The following GTF2H5 variants were observed in gnomAD, a reference collection of about 807,000 sequenced individuals.
GTF2H5 encodes the protein TFB5 ortholog.
GTF2H5 carries 5 observed loss-of-function variants against 7.1 expected under a neutral mutation model. The observed-to-expected ratio is 0.71, with a 90% CI of 0.37 to 1.49. The LOEUF is 1.49. Among genes scored for constraint, GTF2H5 ranks in the 40% most tolerant of loss-of-function variants. GTF2H5 has a pLI of 0.03. For synonymous variants in GTF2H5, 30 were observed against 31.7 expected (o/e 0.95, Z 0.18); for missense variants, 80 against 83.0 (o/e 0.96, Z 0.14).
At chr6:158,172,313 C>G (rs377431409) in intron 2 of GTF2H5, among the ~76,000 whole-genome samples, 20 of 149,478 alleles carry the variant, frequency 1.3e-4, no homozygotes, top group African/African-American at 3.9e-4. Context: ...TCTAAATTAG[C>G]TTCTTTTTTT....
intron 2 of GTF2H5, among the ~76,000 whole-genome samples, chr6:158,179,338 T>C (rs1338869696): frequency 2.0e-5 from 3 of 152,234 alleles, no homozygotes; most frequent in Non-Finnish European, 4.4e-5. Flanking sequence ...GGCTCTTTTT[T>C]GGTTCCATAT....
chr6:158,197,351 A>G lies in GTF2H5; in HGVS notation c.*5194A>G, dbSNP rs1562478780. On this transcript the variant is annotated 3_prime_UTR_variant, in exon 3 of 3. Coordinates refer to ENST00000607778, the MANE Select transcript of GTF2H5 (RefSeq NM_207118.3). ...AAACTCTATAGTTGTCTGAGTCGTT[A>G]TGCTCAAAATATCCAATAATATTTC... is the stretch of plus-strand genomic sequence containing the variant. 5.8e-6 allele frequency: 1 copy of G among 173,756 alleles called. No individual in the cohort carries two copies. Among genetic ancestry groups the G allele is most frequent in the Non-Finnish European group, 1.3e-5 (1 of 76,522 alleles). The allele number at this position is 173,756 out of a possible 1,614,324, so 10.8% of individuals were successfully genotyped here.
intron 1 of GTF2H5, among the ~76,000 whole-genome samples, chr6:158,169,390 TATA>T (rs1176353569): frequency 5.7e-4 from 54 of 94,872 alleles, no homozygotes; most frequent in African/African-American, 1.8e-3. Context: ...ATATATTATA[TATA>T]ATATTATATT....
intron 1 of GTF2H5, among the ~76,000 whole-genome samples, chr6:158,169,437 TTA>T (rs1251942093): frequency 2.1e-4 from 14 of 66,772 alleles, no homozygotes; most frequent in Admixed American, 5.9e-4. Flanking sequence ...ATATTGTATA[TTA>T]TATATATTAT....
chr6:158,180,379 G>A (rs763340684), intron 2 of GTF2H5, among the ~76,000 whole-genome samples: 9 of 152,230 alleles, frequency 5.9e-5, no homozygotes, highest in South Asian at 2.1e-4. Context: ...GGACAATGCC[G>A]GCCTCAAAAT....
chr6:158,169,688 A>ATATATTATATAATG (rs1785789589), intron 1 of GTF2H5, among the ~76,000 whole-genome samples: 4 of 49,864 alleles, frequency 8.0e-5, no homozygotes, highest in Non-Finnish European at 1.2e-4. Flanking sequence ...AATATATAAT[A>ATATATTATATAATG]TATATTATAT....
intron 2 of GTF2H5, among the ~76,000 whole-genome samples, chr6:158,175,541 A>G (rs191084820): frequency 6.6e-6 from 1 of 152,224 alleles, no homozygotes; most frequent in Non-Finnish European, 1.5e-5. Flanking sequence ...AGGCGGGTGG[A>G]TGGCTTGAGG....
chr6:158,186,146 A>G (rs1776918255), intron 2 of GTF2H5, among the ~76,000 whole-genome samples: 1 of 152,246 alleles, frequency 6.6e-6, no homozygotes, highest in East Asian at 1.9e-4. Context: ...AGTGATTTGC[A>G]ACAGAGATGT....
intron 2 of GTF2H5, among the ~76,000 whole-genome samples, chr6:158,174,532 T>A (rs1427320228): frequency 6.6e-6 from 1 of 152,214 alleles, no homozygotes. Context: ...CACTTTTATG[T>A]CAAAACTGAA....
chr6:158,169,416 TTATA>T (rs1167416872), intron 1 of GTF2H5, among the ~76,000 whole-genome samples: 3 of 90,612 alleles, frequency 3.3e-5, no homozygotes, highest in Non-Finnish European at 5.7e-5. Context: ...ATATTATATA[TTATA>T]TATAATATAT....
chr6:158,189,206 CCTTG>C (rs1776980583), intron 2 of GTF2H5, among the ~76,000 whole-genome samples: 1 of 151,920 alleles, frequency 6.6e-6, no homozygotes, highest in African/African-American at 2.4e-5. Flanking sequence ...AGGATCAGTA[CCTTG>C]CTTATTATTG....
intron 2 of GTF2H5, among the ~76,000 whole-genome samples, chr6:158,181,340 A>G (rs1388274387): frequency 6.6e-6 from 1 of 152,178 alleles, no homozygotes; most frequent in Non-Finnish European, 1.5e-5. Flanking sequence ...AGAAGAATGT[A>G]TATTCTGTTG....
Position 158,180,056 on chromosome 6 carries a change from GGCTGTTGAATTTTGTCGAAGGCCTTTTCT to G in GTF2H5, c.35+9547_35+9575del, listed in dbSNP as rs1785988852. ...TTTATGGAGAGTTTTTAGCATGAAA[GGCTGTTGAATTTTGTCGAAGGCCTTTTCT>G]GCTGTTGAATTTTGTCGAAGGCCTT... On this transcript the variant is annotated intron_variant, in intron 2 of 2. Coordinates refer to ENST00000607778, the MANE Select transcript of GTF2H5 (RefSeq NM_207118.3). Among the ~76,000 whole-genome samples the G allele has an allele frequency of 7.9e-5, 12 of 152,278 alleles. No individual in the cohort carries two copies. The South Asian group carries it at 2.1e-3, about 26-fold the overall frequency.
rs1777125256 is a variant in GTF2H5 at position 158,197,120 on chromosome 6, T to C, written c.*4963T>C. 6.5e-6 allele frequency: 1 copy of C among 153,180 alleles called. No homozygotes were observed. Among genetic ancestry groups the C allele is most frequent in the Non-Finnish European group, 1.5e-5 (1 of 68,056 alleles). The allele number at this position is 153,180 out of a possible 1,614,324, so 9.5% of individuals were successfully genotyped here. ...GTAGCAAAAACAGACTTTTAAAACC[T>C]TGAATTCAGAGACAGGTATAAAGAC... On this transcript the variant is annotated 3_prime_UTR_variant, in exon 3 of 3. Coordinates refer to ENST00000607778, the MANE Select transcript of GTF2H5 (RefSeq NM_207118.3).
chr6:158,170,641 A>G lies in GTF2H5; in HGVS notation c.35+103A>G, dbSNP rs544667213. On this transcript the variant is annotated intron_variant, in intron 2 of 2. Transcript: ENST00000607778. The stretch of plus-strand genomic sequence containing the variant: ...CTGTTGTTTTTAAGATATGGATGAA[A>G]TCAAGTCTTTCGCTTTTAACAAGTG... The G allele has an allele frequency of 4.6e-5, 40 of 863,736 alleles. 1 individual carries two copies. In the Middle Eastern group the frequency reaches 2.8e-3, roughly 61 times the overall value. 53.5% of individuals were successfully genotyped at this position (863,736 alleles called of 1,614,324 possible).
intron 2 of GTF2H5, among the ~76,000 whole-genome samples, chr6:158,181,601 A>G (rs920730694): frequency 4.0e-5 from 6 of 151,856 alleles, no homozygotes; most frequent in African/African-American, 1.5e-4. Flanking sequence ...CTTCTTGTTG[A>G]ATTGATCCCT....
At chr6:158,171,541 G>C (rs1785856297) in intron 2 of GTF2H5, among the ~76,000 whole-genome samples, 1 of 152,180 alleles carries the variant, frequency 6.6e-6, no homozygotes, top group South Asian at 2.1e-4. Context: ...GAAGTGTTTT[G>C]TAGGGATGAG....
chr6:158,196,210 A>T lies in GTF2H5; in HGVS notation c.*4053A>T, dbSNP rs1357743866. The T allele has an allele frequency of 6.6e-6, 1 of 152,186 alleles. No homozygotes were observed. Among genetic ancestry groups the T allele is most frequent in the African/African-American group, 2.4e-5 (1 of 41,410 alleles). The allele number at this position is 152,186 out of a possible 1,614,324, so 9.4% of individuals were successfully genotyped here. A position where few individuals can be genotyped will look rare whatever the true frequency, so the allele number is the denominator to read the frequency against. ...GGCAGGAGAATGGTGTAATCCCGGG[A>T]GGTGGAGGTTGCAGTGAGCCGAGAT... On this transcript the variant is annotated 3_prime_UTR_variant, in exon 3 of 3. Transcript: ENST00000607778.
At chr6:158,174,906 T>TA (rs1785908382) in intron 2 of GTF2H5, among the ~76,000 whole-genome samples, 1 of 152,062 alleles carries the variant, frequency 6.6e-6, no homozygotes, top group South Asian at 2.1e-4. Context: ...AGTCTAACCA[T>TA]TGTTCTGTTT....
Sources: gnomAD v4.1 joint callset for allele counts (sites outside exome capture counted in the v4.1 genomes callset) on GRCh38, gnomAD v4.1.1 for gene constraint, MANE v1.5 for transcripts, NCBI Gene and HGNC (gene_info 2026-07-23, HGNC 2026-07-21) for gene names.